The following TNNI3K variants were observed in gnomAD, a reference collection of about 807,000 sequenced individuals.
The protein encoded by TNNI3K is serine/threonine-protein kinase TNNI3K.
In TNNI3K, 140 loss-of-function variants were observed where a neutral mutation model predicts 114.5. The ratio of observed to expected loss-of-function variants is 1.22; its 90% CI spans 1.07 to 1.41. TNNI3K has a LOEUF of 1.41. Among genes scored for constraint, TNNI3K ranks in the 40% most tolerant of loss-of-function variants. TNNI3K has a pLI of 0.00. For synonymous variants in TNNI3K, 347 were observed against 347.5 expected (o/e 1.00, Z 0.02); for missense variants, 1,125 against 1,007.6 (o/e 1.12, Z -1.58).
intron 21 of TNNI3K, chr1:74,469,952 T>C (rs1421489033): frequency 2.5e-6 from 1 of 400,548 alleles, no homozygotes; most frequent in South Asian, 1.3e-4. Context: ...GGAGCAGAGT[T>C]TTCAGCTTCA....
chr1:74,291,186 T>C (rs1657656160), intron 5 of TNNI3K, among the ~76,000 whole-genome samples: 1 of 151,648 alleles, frequency 6.6e-6, no homozygotes, highest in South Asian at 2.1e-4. Flanking sequence ...TTCCTTTGCT[T>C]TCCTAGATAT....
chr1:74,355,437 C>T (rs1158687055), intron 11 of TNNI3K, among the ~76,000 whole-genome samples: 2 of 151,966 alleles, frequency 1.3e-5, no homozygotes, highest in Non-Finnish European at 2.9e-5. Context: ...AACCCTGTCT[C>T]TACTAAAAAT....
At chr1:74,441,511 T>C (rs1321912579) in intron 20 of TNNI3K, among the ~76,000 whole-genome samples, 2 of 152,206 alleles carry the variant, frequency 1.3e-5, no homozygotes, top group African/African-American at 4.8e-5. Context: ...TGGTTGTTTT[T>C]GTTTCCATTG....
At chr1:74,377,002 T>G (rs1433431681) in intron 17 of TNNI3K, 1 of 152,010 alleles carries the variant, frequency 6.6e-6, no homozygotes, top group Admixed American at 6.6e-5. Flanking sequence ...AAGAGAACTT[T>G]AAGAAAATCC....
At chr1:74,489,537 C>CA (rs1240856352) in intron 22 of TNNI3K, among the ~76,000 whole-genome samples, 1 of 152,096 alleles carries the variant, frequency 6.6e-6, no homozygotes, top group African/African-American at 2.4e-5. Context: ...GAAAGTATAA[C>CA]AAATACATTA....
chr1:74,236,982 T>C (rs1186581498), intron 2 of TNNI3K, among the ~76,000 whole-genome samples: 1 of 151,928 alleles, frequency 6.6e-6, no homozygotes, highest in African/African-American at 2.4e-5. Context: ...AATGCACTCA[T>C]GGCAAAGAAC....
At chr1:74,306,286 C>T (rs1348155785) in intron 5 of TNNI3K, among the ~76,000 whole-genome samples, 1 of 152,142 alleles carries the variant, frequency 6.6e-6, no homozygotes, top group East Asian at 1.9e-4. Context: ...CATTGATAGG[C>T]ACCTAGATTG....
chr1:74,507,235 T>G (rs1669955057), intron 23 of TNNI3K, among the ~76,000 whole-genome samples: 1 of 82,072 alleles, frequency 1.2e-5, no homozygotes, highest in African/African-American at 3.7e-5. Flanking sequence ...CCCCCCCCCA[T>G]CTTTTTAACA....
intron 23 of TNNI3K, among the ~76,000 whole-genome samples, chr1:74,539,444 G>A (rs142949908): frequency 1.6e-4 from 24 of 152,276 alleles, no homozygotes; most frequent in African/African-American, 4.6e-4. Flanking sequence ...ACTGACTGAT[G>A]TAGTTAGATG....
At chr1:74,248,482 T>C (rs1380806919) in intron 2 of TNNI3K, among the ~76,000 whole-genome samples, 5 of 152,192 alleles carry the variant, frequency 3.3e-5, no homozygotes, top group Non-Finnish European at 7.3e-5. Flanking sequence ...GAGGAATAAG[T>C]AAGATTAAGC....
intron 23 of TNNI3K, among the ~76,000 whole-genome samples, chr1:74,529,473 G>A (rs1570746704): frequency 1.3e-5 from 2 of 152,274 alleles, no homozygotes; most frequent in Admixed American, 1.3e-4. Flanking sequence ...CAGACAGAAA[G>A]AAAATAAAGA....
chr1:74,410,071 T>C (rs1664810163), intron 17 of TNNI3K, among the ~76,000 whole-genome samples: 1 of 152,200 alleles, frequency 6.6e-6, no homozygotes, highest in African/African-American at 2.4e-5. Flanking sequence ...AAAGCATACA[T>C]GTAAGAACAA....
intron 20 of TNNI3K, among the ~76,000 whole-genome samples, chr1:74,459,183 T>C (rs1667347522): frequency 6.6e-6 from 1 of 152,176 alleles, no homozygotes. Context: ...ATAATGTCCA[T>C]TGCAGCAACA....
Position 74,364,617 on chromosome 1 carries a change from A to G in TNNI3K, c.1178-2639A>G, listed in dbSNP as rs80276494. 4.9e-3 allele frequency among the ~76,000 whole-genome samples: 744 copies of G among 151,974 alleles called. 15 individuals carry two copies. The highest frequency in any genetic ancestry group is 0.017 in the African/African-American group (710 of 41,418). On this transcript the variant is annotated intron_variant, in intron 11 of 24. Transcript: ENST00000326637. Reference sequence around the variant, plus strand: ...TGGAACTGTAAGTAGGCTGCCTTACATGGGGAAGAATCAAGGTTGTTATTT... The same window carrying G: ...TGGAACTGTAAGTAGGCTGCCTTACGTGGGGAAGAATCAAGGTTGTTATTT...
At chr1:74,285,999 C>A (rs1657309247) in intron 5 of TNNI3K, among the ~76,000 whole-genome samples, 2 of 152,116 alleles carry the variant, frequency 1.3e-5, no homozygotes, top group Admixed American at 6.5e-5. Context: ...GAAGAACTAT[C>A]CACACATAAA....
chr1:74,440,861 A>G (rs1343438936), intron 20 of TNNI3K, among the ~76,000 whole-genome samples: 2 of 152,076 alleles, frequency 1.3e-5, no homozygotes, highest in Non-Finnish European at 2.9e-5. Flanking sequence ...AGATTGATGG[A>G]TATACAGAAA....
At chr1:74,434,043 T>C (rs1666014617) in intron 17 of TNNI3K, among the ~76,000 whole-genome samples, 1 of 152,040 alleles carries the variant, frequency 6.6e-6, no homozygotes, top group Non-Finnish European at 1.5e-5. Context: ...TGCTTTCTTT[T>C]TTCTACTCTA....
At chr1:74,335,207 A>G (rs1660403550) in intron 6 of TNNI3K, among the ~76,000 whole-genome samples, 1 of 152,218 alleles carries the variant, frequency 6.6e-6, no homozygotes, top group Non-Finnish European at 1.5e-5. Flanking sequence ...CCCATTGCAC[A>G]TATGAAAAAA....
intron 2 of TNNI3K, among the ~76,000 whole-genome samples, chr1:74,236,717 A>G (rs1653879427): frequency 6.6e-6 from 1 of 151,850 alleles, no homozygotes; most frequent in South Asian, 2.1e-4. Context: ...AACATATAAT[A>G]TTGCCTTCAG....
Sources: allele counts gnomAD v4.1 joint callset (sites outside exome capture counted in the v4.1 genomes callset), GRCh38; gene constraint gnomAD v4.1.1; transcripts MANE v1.5; gene names NCBI Gene and HGNC (gene_info 2026-07-23, HGNC 2026-07-21).